The following LRRC4C variants were observed in gnomAD, a reference collection of about 807,000 sequenced individuals.
LRRC4C encodes leucine rich repeat containing 4C.
A neutral mutation model predicts 33.6 loss-of-function variants in LRRC4C; 5 were observed. That is an observed-to-expected ratio of 0.15 (90% CI 0.08 to 0.31). The LOEUF (loss-of-function observed/expected upper bound fraction) is 0.31, where lower values mean the gene tolerates loss of function less well. Ranked by LOEUF, LRRC4C falls within the 10% of genes least tolerant of loss-of-function variation. The pLI is 1.00. For missense variants in LRRC4C, 560 were observed against 796.7 expected (o/e 0.70, Z 3.58); for synonymous variants, 329 against 302.0 (o/e 1.09, Z -0.93).
chr11:40,789,613 C>T (rs1950551380), intron 2 of LRRC4C, among the ~76,000 whole-genome samples: 2 of 152,108 alleles, frequency 1.3e-5, no homozygotes, highest in Non-Finnish European at 2.9e-5. Flanking sequence ...TGGGTACTGT[C>T]AGCTCATGTT....
intron 1 of LRRC4C, among the ~76,000 whole-genome samples, chr11:41,374,373 T>TA (rs767798648): frequency 9.9e-5 from 15 of 151,304 alleles, no homozygotes; most frequent in East Asian, 3.9e-4. Context: ...AGAGAAAAAT[T>TA]AAAAAAAAAC....
intron 3 of LRRC4C, among the ~76,000 whole-genome samples, chr11:40,517,795 A>G (rs1254765922): frequency 6.6e-6 from 1 of 152,298 alleles, no homozygotes; most frequent in East Asian, 1.9e-4. Flanking sequence ...AAGAGCCCGC[A>G]GAGCCCAGAC....
chr11:40,842,161 C>A (rs1025350200), intron 2 of LRRC4C, among the ~76,000 whole-genome samples: 1 of 152,138 alleles, frequency 6.6e-6, no homozygotes, highest in African/African-American at 2.4e-5. Context: ...ACCTGTTTGT[C>A]TTTAGGGGAC....
intron 2 of LRRC4C, among the ~76,000 whole-genome samples, chr11:40,658,564 A>G (rs77419313): frequency 0.018 from 2,764 of 152,270 alleles, 79 homozygotes; most frequent in African/African-American, 0.063. Flanking sequence ...GGGTTTTGGA[A>G]TGAGTCTAAG....
chr11:40,989,271 A>T (rs1282821278), intron 1 of LRRC4C, among the ~76,000 whole-genome samples: 1 of 152,154 alleles, frequency 6.6e-6, no homozygotes, highest in Non-Finnish European at 1.5e-5. Context: ...TGTCAGTAGT[A>T]TCTTGAGTGC....
chr11:40,349,941 A>C (rs2137073695), intron 3 of LRRC4C, among the ~76,000 whole-genome samples: 1 of 152,112 alleles, frequency 6.6e-6, no homozygotes, highest in South Asian at 2.1e-4. Flanking sequence ...TCAGATTATA[A>C]GATTTTTTCC....
intron 1 of LRRC4C, among the ~76,000 whole-genome samples, chr11:41,296,279 T>C (rs532849318): frequency 1.3e-3 from 195 of 152,130 alleles, no homozygotes; most frequent in Non-Finnish European, 2.3e-3. Flanking sequence ...CTTTTATTAA[T>C]AATATATGTT....
chr11:41,278,004 G>A (rs957922206), intron 1 of LRRC4C, among the ~76,000 whole-genome samples: 1 of 152,030 alleles, frequency 6.6e-6, no homozygotes, highest in African/African-American at 2.4e-5. Flanking sequence ...GCAGTAGAGA[G>A]TACAATGGTG....
At position 40,164,544 on chromosome 11, in the gene LRRC4C, G is replaced by A. The variant is rs140151680; in HGVS notation, c.-95-23691C>T. ...GAGCCACCGTGCCCAGCCAAATCCT[G>A]TCATTTGCAGCAACATAAATGGAAC... On this transcript the variant is annotated intron_variant, in intron 5 of 6. Transcript: ENST00000528697. Among the ~76,000 whole-genome samples the A allele has an allele frequency of 3.0e-4, 46 of 152,186 alleles. 1 individual carries two copies. Among genetic ancestry groups the A allele is most frequent in the African/African-American group, 1.0e-3 (43 of 41,524 alleles).
At chr11:41,240,690 C>T (rs1388334398) in intron 1 of LRRC4C, among the ~76,000 whole-genome samples, 2 of 152,112 alleles carry the variant, frequency 1.3e-5, no homozygotes, top group Non-Finnish European at 2.9e-5. Flanking sequence ...ATGGGGATGA[C>T]TTTCTTGCTG....
intron 1 of LRRC4C, among the ~76,000 whole-genome samples, chr11:41,161,474 G>T (rs1297517988): frequency 6.6e-6 from 1 of 152,060 alleles, no homozygotes; most frequent in Non-Finnish European, 1.5e-5. Context: ...ACCTTTGTCT[G>T]GTCTTGGGGG....
In LRRC4C at chr11:41,383,504, T is replaced by C. The variant is rs138273530; in HGVS notation, c.-496+75927A>G. Among the ~76,000 whole-genome samples, 486 of 152,162 alleles carry C rather than the reference T, an allele frequency of 3.2e-3. 1 individual carries two copies. The highest frequency in any genetic ancestry group is 9.9e-3 in the African/African-American group (411 of 41,552). On this transcript the variant is annotated intron_variant, in intron 1 of 6. Coordinates refer to ENST00000528697, the MANE Select transcript of LRRC4C (RefSeq NM_001258419.2). ...TTATTTAGATGTATAAGAATATGAC[T>C]TTCTTCATATTTGATATGTGTACAA... is the stretch of plus-strand genomic sequence containing the variant.
intron 2 of LRRC4C, among the ~76,000 whole-genome samples, chr11:40,760,811 A>G (rs1462821512): frequency 6.8e-6 from 1 of 147,194 alleles, no homozygotes; most frequent in African/African-American, 2.5e-5. Flanking sequence ...ACACACACAC[A>G]CACACACACA....
intron 3 of LRRC4C, among the ~76,000 whole-genome samples, chr11:40,411,349 A>G (rs1028790877): frequency 6.6e-6 from 1 of 152,066 alleles, no homozygotes; most frequent in Non-Finnish European, 1.5e-5. Flanking sequence ...TAATGTTTCA[A>G]TGTAGTAAAA....
intron 2 of LRRC4C, among the ~76,000 whole-genome samples, chr11:40,747,711 A>G (rs932945782): frequency 2.6e-5 from 4 of 152,134 alleles, no homozygotes; most frequent in African/African-American, 9.6e-5. Flanking sequence ...AGAAAAAGAT[A>G]TCATAAAAAA....
At chr11:41,349,788 A>G (rs1951915482) in intron 1 of LRRC4C, among the ~76,000 whole-genome samples, 1 of 152,236 alleles carries the variant, frequency 6.6e-6, no homozygotes, top group Non-Finnish European at 1.5e-5. Context: ...CAGCCACACT[A>G]GGTCCCCAGC....
In LRRC4C at chr11:40,192,774, C is replaced by T. The variant is rs906144101; in HGVS notation, c.-96+48745G>A. Among the ~76,000 whole-genome samples the T allele has an allele frequency of 7.2e-5, 11 of 152,208 alleles. No homozygotes were observed. In the East Asian group the frequency reaches 1.6e-3, roughly 21 times the overall value. On this transcript the variant is annotated intron_variant, in intron 5 of 6. Coordinates refer to ENST00000528697, the MANE Select transcript of LRRC4C (RefSeq NM_001258419.2). ...AGCTTGAGCTTGGTGGGGGGAGGGG[C>T]GTCCACCATTGCTGAGGCTTGAGTA...
At chr11:40,474,260 G>T (rs1050415926) in intron 3 of LRRC4C, among the ~76,000 whole-genome samples, 41 of 152,022 alleles carry the variant, frequency 2.7e-4, no homozygotes, top group African/African-American at 9.9e-4. Context: ...CAGAACAGAG[G>T]CCTCAGAAAT....
At chr11:40,728,989 T>TGGGGGGG in intron 2 of LRRC4C, among the ~76,000 whole-genome samples, 1 of 9,402 alleles carries the variant, frequency 1.1e-4, no homozygotes, top group Non-Finnish European at 2.0e-4. Flanking sequence ...AGAGGGAGGG[T>TGGGGGGG]GGGAGGGAGG....
Sources: allele counts gnomAD v4.1 joint callset (sites outside exome capture counted in the v4.1 genomes callset), GRCh38; gene constraint gnomAD v4.1.1; transcripts MANE v1.5; gene names NCBI Gene and HGNC (gene_info 2026-07-23, HGNC 2026-07-21).